CDH13: variants seen among roughly 807,000 people sequenced by gnomAD.
The protein encoded by CDH13 is cadherin 13.
Under a neutral mutation model 63.8 loss-of-function variants are expected in CDH13, and 24 were observed. That is an observed-to-expected ratio of 0.38 (90% CI 0.27 to 0.53). The LOEUF (loss-of-function observed/expected upper bound fraction) is 0.53. Ranked by LOEUF, CDH13 falls within the 20% of genes least tolerant of loss-of-function variation. The pLI, the probability that CDH13 is intolerant of heterozygous loss-of-function variation, is 0.85. For missense variants in CDH13, 1,049 were observed against 903.1 expected (o/e 1.16, Z -2.07); for synonymous variants, 503 against 355.3 (o/e 1.42, Z -4.67).
At chr16:82,831,067 C>G (rs531473713) in intron 1 of CDH13, among the ~76,000 whole-genome samples, 40 of 152,162 alleles carry the variant, frequency 2.6e-4, no homozygotes, top group African/African-American at 9.6e-4. Context: ...AATGCGTGGT[C>G]CATGGACCAA....
At chr16:83,111,096 C>G (rs901951025) in intron 3 of CDH13, among the ~76,000 whole-genome samples, 1 of 151,048 alleles carries the variant, frequency 6.6e-6, no homozygotes, top group Non-Finnish European at 1.5e-5. Flanking sequence ...GGCGTGAACC[C>G]GGGAGGCGGA....
chr16:82,924,308 C>A, intron 2 of CDH13, among the ~76,000 whole-genome samples: 1 of 152,208 alleles, frequency 6.6e-6, no homozygotes, highest in Non-Finnish European at 1.5e-5. Context: ...ATATAAAAGC[C>A]TTTCCCCAAC....
chr16:82,717,464 C>G (rs1349501314), intron 1 of CDH13, among the ~76,000 whole-genome samples: 3 of 150,502 alleles, frequency 2.0e-5, no homozygotes, highest in Middle Eastern at 3.5e-3. Flanking sequence ...AGAGCCCCCC[C>G]ACTCATCCAC....
rs137935241 is a variant in CDH13 at position 83,026,073 on chromosome 16, A to G, written c.158-5937A>G. Among the ~76,000 whole-genome samples the G allele has an allele frequency of 5.6e-3, 856 of 152,334 alleles. 9 individuals carry two copies. Among genetic ancestry groups the G allele is most frequent in the African/African-American group, 0.019 (791 of 41,578 alleles). On this transcript the variant is annotated intron_variant, in intron 2 of 13. Transcript: ENST00000567109. ...TTGGTAAGTGGTATCAAAAATATAC[A>G]AAGACCCAATTATGCAACTGTTAGC...
At chr16:82,650,863 G>T (rs998079899) in intron 1 of CDH13, among the ~76,000 whole-genome samples, 9 of 152,236 alleles carry the variant, frequency 5.9e-5, no homozygotes, top group African/African-American at 2.2e-4. Flanking sequence ...TGTAAGCCCA[G>T]TGGGGCAGGG....
At chr16:83,233,270 C>T (rs950421401) in intron 5 of CDH13, among the ~76,000 whole-genome samples, 5 of 152,202 alleles carry the variant, frequency 3.3e-5, no homozygotes, top group African/African-American at 4.8e-5. Context: ...ACAGGCTATG[C>T]GTGAAGCCGA....
chr16:82,918,117 C>G (rs1162745004), intron 2 of CDH13, among the ~76,000 whole-genome samples: 1 of 152,112 alleles, frequency 6.6e-6, no homozygotes, highest in African/African-American at 2.4e-5. Flanking sequence ...TAAAAGGTGG[C>G]AGAGCAAATG....
At chr16:82,834,677 T>C (rs536111726) in intron 1 of CDH13, among the ~76,000 whole-genome samples, 8 of 152,300 alleles carry the variant, frequency 5.3e-5, no homozygotes, top group African/African-American at 1.4e-4. Context: ...GCCTGATAAA[T>C]GTCTGTCTGC....
chr16:82,945,162 G>C (rs1433094662), intron 2 of CDH13, among the ~76,000 whole-genome samples: 2 of 152,166 alleles, frequency 1.3e-5, no homozygotes, highest in Non-Finnish European at 2.9e-5. Context: ...ATGTAAATAA[G>C]TGTTGGCAAA....
At chr16:83,100,444 T>G (rs1053602305) in intron 3 of CDH13, among the ~76,000 whole-genome samples, 1 of 152,102 alleles carries the variant, frequency 6.6e-6, no homozygotes, top group Non-Finnish European at 1.5e-5. Context: ...GGTGGTGAAT[T>G]TTTTCATTTC....
At chr16:82,689,206 G>A (rs1915390750) in intron 1 of CDH13, among the ~76,000 whole-genome samples, 1 of 148,846 alleles carries the variant, frequency 6.7e-6, no homozygotes, top group Non-Finnish European at 1.5e-5. Context: ...CTGTCAAACT[G>A]TGCAGTTGAC....
At chr16:83,481,824 C>T (rs980300198) in intron 6 of CDH13, among the ~76,000 whole-genome samples, 5 of 152,148 alleles carry the variant, frequency 3.3e-5, no homozygotes, top group South Asian at 2.1e-4. Flanking sequence ...CAATGCGTGT[C>T]TGTCATATAA....
In CDH13 at chr16:83,444,117, C is replaced by G. The variant is rs963552674; in HGVS notation, c.782-42360C>G. Among the ~76,000 whole-genome samples the G allele has an allele frequency of 6.3e-5, 9 of 143,390 alleles. 2 individuals carry two copies. Among genetic ancestry groups the G allele is most frequent in the Non-Finnish European group, 1.4e-4 (9 of 63,160 alleles). 94.1% of individuals were successfully genotyped at this position (143,390 alleles called of 152,430 possible). A position where few individuals can be genotyped will look rare whatever the true frequency, so the allele number is the denominator to read the frequency against. On this transcript the variant is annotated intron_variant, in intron 6 of 13. Coordinates refer to ENST00000567109, the MANE Select transcript of CDH13 (RefSeq NM_001257.5). ...GTGAGGTTGATGATGGTGAAGATAC[C>G]AATAGCAACAATGAAGATGTGGCTG...
chr16:83,420,884 G>A (rs2071694957), intron 6 of CDH13, among the ~76,000 whole-genome samples: 1 of 152,198 alleles, frequency 6.6e-6, no homozygotes, highest in Admixed American at 6.5e-5. Context: ...ATGTTCAAGG[G>A]CAAGAGGAAC....
At chr16:83,558,081 T>A (rs1319007396) in intron 7 of CDH13, among the ~76,000 whole-genome samples, 1 of 152,184 alleles carries the variant, frequency 6.6e-6, no homozygotes, top group Non-Finnish European at 1.5e-5. Flanking sequence ...TCTACAGGGC[T>A]CATTTCTTCC....
intron 7 of CDH13, among the ~76,000 whole-genome samples, chr16:83,501,964 C>G (rs530184562): frequency 1.1e-4 from 17 of 152,310 alleles, no homozygotes; most frequent in Admixed American, 3.9e-4. Context: ...TAGGAATTCA[C>G]AAATGTGAAT....
intron 1 of CDH13, among the ~76,000 whole-genome samples, chr16:82,667,862 T>G (rs892697866): frequency 1.3e-5 from 2 of 152,208 alleles, no homozygotes; most frequent in African/African-American, 4.8e-5. Context: ...CTTTTCAATC[T>G]TCTCATGCTC....
intron 6 of CDH13, among the ~76,000 whole-genome samples, chr16:83,428,613 C>T (rs531753551): frequency 6.6e-6 from 1 of 151,978 alleles, no homozygotes; most frequent in Non-Finnish European, 1.5e-5. Flanking sequence ...TGGTGCTTGG[C>T]ATGTAGAGAG....
intron 10 of CDH13, among the ~76,000 whole-genome samples, chr16:83,691,461 C>G (rs149510039): frequency 1.3e-5 from 2 of 152,202 alleles, no homozygotes; most frequent in African/African-American, 4.8e-5. Context: ...GGAGGAGTGG[C>G]CCTGCCTGGT....
Sources: allele counts gnomAD v4.1 joint callset (sites outside exome capture counted in the v4.1 genomes callset), GRCh38; gene constraint gnomAD v4.1.1; transcripts MANE v1.5; gene names NCBI Gene and HGNC (gene_info 2026-07-23, HGNC 2026-07-21).